ALG1: variants seen among roughly 807,000 people sequenced by gnomAD.
ALG1 encodes chitobiosyldiphosphodolichol beta-mannosyltransferase.
Under a neutral mutation model 55.1 loss-of-function variants are expected in ALG1, and 58 were observed. The observed-to-expected ratio is 1.05, with a 90% confidence interval of 0.85 to 1.31. ALG1 has a LOEUF of 1.31. Among genes scored for constraint, ALG1 ranks in the 50% most tolerant of loss-of-function variants. The pLI, the probability that ALG1 is intolerant of heterozygous loss-of-function variation, is 0.00. For missense variants in ALG1, 761 were observed against 598.6 expected (o/e 1.27, Z -2.83); for synonymous variants, 309 against 247.0 (o/e 1.25, Z -2.35).
intron 10 of ALG1, 109 bp from the exon 11 acceptor site, chr16:5,082,450 G>C: frequency 1.7e-6 from 2 of 1,167,266 alleles, no homozygotes; most frequent in East Asian, 2.5e-5. Context: ...GCTGTTGGGG[G>C]CCTTATCTGA....
At chr16:5,074,618 T>G (rs1210218896) in intron 3 of ALG1, among the ~76,000 whole-genome samples, 1 of 152,224 alleles carries the variant, frequency 6.6e-6, no homozygotes, top group Admixed American at 6.5e-5. Context: ...AAGTCCAGTT[T>G]CTTTCTTAGG....
At chr16:5,082,277 C>G (rs906580337) in intron 10 of ALG1, among the ~76,000 whole-genome samples, 4 of 152,184 alleles carry the variant, frequency 2.6e-5, no homozygotes, top group Non-Finnish European at 5.9e-5. Context: ...TGTGCCACTG[C>G]ACTCCAGCCT....
rs192564717 is a variant in ALG1, at chr16:5,079,073, A to G, written c.872A>G (p.Asp291Gly). ...AATTCTCTTCTCATAGAGGACGAAGACTTCTCCATCCTGCTGGCAGCTTTA... is the reference window on the plus strand; with the variant it reads ...AATTCTCTTCTCATAGAGGACGAAGGCTTCTCCATCCTGCTGGCAGCTTTA... ...VSSTSWTEDE[D>G]FSILLAALEK... is the part of the protein sequence containing the mutation. Residue 291 changes from aspartate to glycine, a missense_variant, in exon 8 of 13, where the codon GAC (aspartate) becomes GGC (glycine). Asp to Gly is a moderately conservative substitution (Grantham distance 94). Coordinates refer to ENST00000262374, the MANE Select transcript of ALG1 (RefSeq NM_019109.5). 1.9e-6 allele frequency: 3 copies of G among 1,599,596 alleles called. No individual in the cohort carries two copies. Among genetic ancestry groups the G allele is most frequent in the Admixed American group, 3.3e-5 (2 of 59,986 alleles).
intron 3 of ALG1, among the ~76,000 whole-genome samples, chr16:5,075,045 A>C (rs1003090548): frequency 2.0e-5 from 3 of 152,118 alleles, no homozygotes; most frequent in African/African-American, 7.2e-5. Context: ...CTGGGGCTGC[A>C]GGTGTGTCCC....
Position 5,077,430 on chromosome 16 carries a change from G to A in ALG1, c.540-15G>A. On this transcript the variant is annotated splice_polypyrimidine_tract_variant and intron_variant, in intron 4 of 12. Transcript: ENST00000262374. ...CCTGTCTAGGGCTCTGCTGACTGCT[G>A]ATCTCTCTTTTCAGGTACGAGAAGT... The A allele has an allele frequency of 6.2e-7, 1 of 1,612,176 alleles. No homozygotes were observed. The highest frequency in any genetic ancestry group is 8.5e-7 in the Non-Finnish European group (1 of 1,178,260).
In ALG1 at chr16:5,072,071, G is replaced by GGTCC; in HGVS notation, c.208+17_208+18insCGTC. The GGTCC allele has an allele frequency of 1.9e-6, 3 of 1,557,538 alleles. No individual in the cohort carries two copies. Among genetic ancestry groups the GGTCC allele is most frequent in the Non-Finnish European group, 2.6e-6 (3 of 1,150,596 alleles). ...TGGGGTTCTGCAGTGAGTGGCCAAGGGTCTGGGAGGGACGATGCTCTCTCA... is the reference window on the plus strand; with the variant it reads ...TGGGGTTCTGCAGTGAGTGGCCAAGGGTCCGTCTGGGAGGGACGATGCTCTCTCA... On this transcript the variant is annotated intron_variant, in intron 1 of 12. Coordinates refer to ENST00000262374, the MANE Select transcript of ALG1 (RefSeq NM_019109.5).
In ALG1 at chr16:5,080,938, C is replaced by T; in HGVS notation, c.962-8C>T. On this transcript the variant is annotated splice_polypyrimidine_tract_variant and splice_region_variant and intron_variant, in intron 9 of 12. Coordinates refer to ENST00000262374, the MANE Select transcript of ALG1 (RefSeq NM_019109.5). ...GGTCCATGGCAGTGTCTGCTCTTCT[C>T]TGTGAAGGCAAAGGGCCTCTGAGGG... 1.3e-6 allele frequency: 2 copies of T among 1,596,274 alleles called. No individual in the cohort carries two copies. The highest frequency in any genetic ancestry group is 1.7e-6 in the Non-Finnish European group (2 of 1,179,672).
At chr16:5,077,080 T>C (rs2010985) in intron 4 of ALG1, among the ~76,000 whole-genome samples, 144,607 of 152,212 alleles carry the variant, frequency 0.95, 69,045 homozygotes, top group East Asian at 1. Context: ...CCACCGCGCC[T>C]GGCCTGTATT....
chr16:5,078,725 G>A (rs367992053), intron 6 of ALG1, 32 bp from the exon 7 acceptor site: 1 of 1,612,314 alleles, frequency 6.2e-7, no homozygotes, highest in Non-Finnish European at 8.5e-7. Context: ...CTGCTCTATG[G>A]CCTCTCACAG....
chr16:5,080,931 C>T lies in ALG1; in HGVS notation c.962-15C>T. On this transcript the variant is annotated splice_polypyrimidine_tract_variant and intron_variant, in intron 9 of 12. Transcript: ENST00000262374. ...AGAGATGGGTCCATGGCAGTGTCTG[C>T]TCTTCTCTGTGAAGGCAAAGGGCCT... is the stretch of plus-strand genomic sequence containing the variant. 1 of 1,596,054 alleles carries T rather than the reference C, an allele frequency of 6.3e-7. No homozygotes were observed. The highest frequency in any genetic ancestry group is 8.5e-7 in the Non-Finnish European group (1 of 1,179,462).
At position 5,072,145 on chromosome 16, in the gene ALG1, C is replaced by T. The variant is rs1238950076; in HGVS notation, c.208+88C>T. On this transcript the variant is annotated intron_variant, in intron 1 of 12. Coordinates refer to ENST00000262374, the MANE Select transcript of ALG1 (RefSeq NM_019109.5). Reference sequence around the variant, plus strand: ...GCCCCGGGGAGTCGAGGCGGAAGTGCTCCTTTAGTCGCCGCCTTTGGGCAG... The same window carrying T: ...GCCCCGGGGAGTCGAGGCGGAAGTGTTCCTTTAGTCGCCGCCTTTGGGCAG... 3 of 1,546,490 alleles carry T rather than the reference C, an allele frequency of 1.9e-6. No homozygotes were observed. The South Asian group carries it at 3.6e-5, about 18-fold the overall frequency.
chr16:5,072,615 G>C (rs1404847093), intron 1 of ALG1, among the ~76,000 whole-genome samples: 1 of 152,194 alleles, frequency 6.6e-6, no homozygotes, highest in Non-Finnish European at 1.5e-5. Context: ...TGCTATCCTA[G>C]GGTGATGGGG....
At chr16:5,078,204 C>T in intron 6 of ALG1, 187 bp downstream of exon 6, 1 of 769,386 alleles carries the variant, frequency 1.3e-6, no homozygotes, top group Non-Finnish European at 2.2e-6. Context: ...GAGTTGTCTA[C>T]AGCCGCCTTT....
Position 5,071,977 on chromosome 16 carries a change from TGGGC to T in ALG1, c.129_132del (p.Gly44AlafsTer19). The T allele has an allele frequency of 6.3e-7, 1 of 1,593,584 alleles. No individual in the cohort carries two copies. ...GTAGTAGCGGTGGTGCTGGGCGACG[TGGGC>T]CGCAGCCCCCGTATGCAGTACCACG... On this transcript the variant is annotated frameshift_variant, in exon 1 of 13. Transcript: ENST00000262374. LOFTEE classifies it high-confidence loss of function.
chr16:5,075,158 C>G (rs1361012388), intron 3 of ALG1, among the ~76,000 whole-genome samples: 2 of 152,196 alleles, frequency 1.3e-5, no homozygotes, highest in African/African-American at 2.4e-5. Context: ...CCTGCCTTGG[C>G]CTCCCAAAGT....
At chr16:5,072,848 C>T (rs1956840781) in intron 1 of ALG1, 103 bp from the exon 2 acceptor site, 2 of 1,101,850 alleles carry the variant, frequency 1.8e-6, no homozygotes, top group African/African-American at 3.1e-5. Context: ...TTTGAAATAT[C>T]TTACTTTCCA....
chr16:5,080,048 TTTG>T lies in ALG1; in HGVS notation c.961+250_961+252del, dbSNP rs541822791. On this transcript the variant is annotated intron_variant, in intron 9 of 12. Transcript: ENST00000262374. ...TTCAGTAGTTTCCAAGCATCTTTTT[TTTG>T]TTGTTGTTACGTCATTGGTGTCTTT... Among the ~76,000 whole-genome samples, 1,696 of 151,486 alleles carry T rather than the reference TTTG, an allele frequency of 0.011. 32 individuals carry two copies. The highest frequency in any genetic ancestry group is 0.039 in the African/African-American group (1,621 of 41,226).
chr16:5,080,958 T>C lies in ALG1; in HGVS notation c.974T>C (p.Leu325Pro). ...CTTCTCTGTGAAGGCAAAGGGCCTC[T>C]GAGGGAGTATTATAGCCGCCTCATC... is the stretch of plus-strand genomic sequence containing the variant. Reference protein sequence around the residue: ...LVCVITGKGPLREYYSRLIHQ... With the variant: ...LVCVITGKGPPREYYSRLIHQ... Residue 325 changes from leucine to proline, a missense_variant, in exon 10 of 13, where the codon CTG (leucine) becomes CCG (proline). By Grantham distance (98) the Leu-to-Pro change is moderately conservative. Transcript: ENST00000262374. 1 of 1,596,378 alleles carries C rather than the reference T, an allele frequency of 6.3e-7. No individual in the cohort carries two copies. The highest frequency in any genetic ancestry group is 1.7e-5 in the Admixed American group (1 of 60,010).
chr16:5,087,035 T>C lies in ALG1; in HGVS notation c.*2154T>C, dbSNP rs1424004908. ...AGTGGAAAATGCGTATTTATAAGAA[T>C]GAAGTAGTACAGACATGAATGTGTA... On this transcript the variant is annotated 3_prime_UTR_variant, in exon 13 of 13. Coordinates refer to ENST00000262374, the MANE Select transcript of ALG1 (RefSeq NM_019109.5). 6.6e-6 allele frequency: 1 copy of C among 152,184 alleles called. No individual in the cohort carries two copies. 9.4% of individuals were successfully genotyped at this position (152,184 alleles called of 1,614,324 possible).
Sources: gnomAD v4.1 joint callset for allele counts (sites outside exome capture counted in the v4.1 genomes callset) on GRCh38, gnomAD v4.1.1 for gene constraint, MANE v1.5 for transcripts, NCBI Gene and HGNC (gene_info 2026-07-23, HGNC 2026-07-21) for gene names.